SESN2: variants seen among roughly 807,000 people sequenced by gnomAD.
SESN2 encodes the protein sestrin 2.
SESN2 carries 42 observed loss-of-function variants against 56.0 expected under a neutral mutation model. That is an observed-to-expected ratio of 0.75 (90% CI 0.59 to 0.97). The LOEUF (loss-of-function observed/expected upper bound fraction) is 0.97, where lower values mean the gene tolerates loss of function less well. Ranked by LOEUF, SESN2 falls within the 50% of genes least tolerant of loss-of-function variation. The pLI is 0.00. For synonymous variants in SESN2, 264 were observed against 267.1 expected (o/e 0.99, Z 0.11); for missense variants, 507 against 649.4 (o/e 0.78, Z 2.38).
chr1:28,266,719 C>T (rs1647572252), intron 1 of SESN2, among the ~76,000 whole-genome samples: 1 of 152,028 alleles, frequency 6.6e-6, no homozygotes, highest in South Asian at 2.1e-4. Flanking sequence ...TGCTACCATG[C>T]CCAGCTAATT....
chr1:28,278,051 T>TG, intron 8 of SESN2, among the ~76,000 whole-genome samples: 1 of 152,356 alleles, frequency 6.6e-6, no homozygotes. Context: ...CTCACTAGAC[T>TG]GGGGATAACT....
chr1:28,259,707 C>G lies in SESN2; in HGVS notation c.-141C>G, dbSNP rs1647301633. The G allele has an allele frequency of 3.6e-6, 2 of 560,582 alleles. No homozygotes were observed. 34.7% of individuals were successfully genotyped at this position (560,582 alleles called of 1,614,324 possible). ...AAGCGGCCGTTCTCGGATTCCGGAGCGTTCTGGAGCCCCGAGAGACGCCCC... is the reference window on the plus strand; with the variant it reads ...AAGCGGCCGTTCTCGGATTCCGGAGGGTTCTGGAGCCCCGAGAGACGCCCC... On this transcript the variant is annotated 5_prime_UTR_variant, in exon 1 of 10. Coordinates refer to ENST00000253063, the MANE Select transcript of SESN2 (RefSeq NM_031459.5).
rs1019239260 is a variant in SESN2 at position 28,271,827 on chromosome 1, G to C, written c.310G>C (p.Asp104His). ...WRLHYLLLHT[D>H]GPLASSWRHY... is the part of the protein sequence containing the mutation. Reference sequence around the variant, plus strand: ...CCTGCACTACCTGCTGCTGCACACGGATGGTCCCTTGGCCAGCTCCTGGCG... The same window carrying C: ...CCTGCACTACCTGCTGCTGCACACGCATGGTCCCTTGGCCAGCTCCTGGCG... The change falls in exon 3 of 10, where the codon GAT becomes CAT. Residue 104 changes from aspartate to histidine, a missense_variant. Asp to His is a moderately conservative substitution (Grantham distance 81). Transcript: ENST00000253063. 6.2e-7 allele frequency: 1 copy of C among 1,614,170 alleles called. No individual in the cohort carries two copies. The highest frequency in any genetic ancestry group is 8.5e-7 in the Non-Finnish European group (1 of 1,180,016).
intron 8 of SESN2, 56 bp downstream of exon 8, chr1:28,275,071 G>A: frequency 1.6e-6 from 2 of 1,241,390 alleles, no homozygotes; most frequent in Non-Finnish European, 2.2e-6. Context: ...TTCACTCTGG[G>A]TTCACAGTTG....
rs536480865 is a variant in SESN2 at position 28,276,139 on chromosome 1, G to A, written c.1211+1124G>A. ...TCCAGCCTGGGCAACAGAGCAAGAC[G>A]CTATCTCAAAATAAATAAATAAAAT... On this transcript the variant is annotated intron_variant, in intron 8 of 9. Transcript: ENST00000253063. Among the ~76,000 whole-genome samples, 8 of 149,514 alleles carry A rather than the reference G, an allele frequency of 5.4e-5. No homozygotes were observed. The South Asian group carries it at 6.4e-4, about 12-fold the overall frequency.
At chr1:28,272,214 A>T in intron 3 of SESN2, 70 bp from the exon 4 acceptor site, 1 of 1,529,834 alleles carries the variant, frequency 6.5e-7, no homozygotes. Context: ...CTCTCCCCTG[A>T]TGGGGTACCC....
At chr1:28,262,621 CAA>C (rs71027268) in intron 1 of SESN2, among the ~76,000 whole-genome samples, 4 of 52,482 alleles carry the variant, frequency 7.6e-5, no homozygotes, top group Non-Finnish European at 9.7e-5. Flanking sequence ...GAGTCTGTCT[CAA>C]AAAAAAAAAA....
chr1:28,267,434 G>A (rs1030839269), intron 1 of SESN2, among the ~76,000 whole-genome samples: 1 of 152,124 alleles, frequency 6.6e-6, no homozygotes. Flanking sequence ...TAGTCTTCTG[G>A]AGTCCCAGAG....
chr1:28,269,325 C>T (rs1371741011), intron 2 of SESN2, 77 bp downstream of exon 2: 13 of 945,018 alleles, frequency 1.4e-5, no homozygotes, highest in Non-Finnish European at 2.1e-5. Flanking sequence ...GGCATCTTTT[C>T]CTGTTCTTTA....
Position 28,271,911 on chromosome 1 carries a change from G to C in SESN2, c.354+40G>C, listed in dbSNP as rs780219048. On this transcript the variant is annotated intron_variant, in intron 3 of 9. Transcript: ENST00000253063. The stretch of plus-strand genomic sequence containing the variant: ...GCCTGACACTTGGAGAGGTGGCTTT[G>C]TGGTGGGTTCTGTCCTTTGATCTCT... The C allele has an allele frequency of 1.9e-6, 3 of 1,589,154 alleles. No individual in the cohort carries two copies. The South Asian group carries it at 3.3e-5, about 18-fold the overall frequency.
At chr1:28,268,203 T>C (rs1327561005) in intron 1 of SESN2, among the ~76,000 whole-genome samples, 10 of 151,864 alleles carry the variant, frequency 6.6e-5, no homozygotes, top group Non-Finnish European at 1.5e-4. Flanking sequence ...AGGTTGTGAG[T>C]AGTGGTCCAG....
intron 1 of SESN2, among the ~76,000 whole-genome samples, chr1:28,267,071 C>A (rs1647583388): frequency 6.6e-6 from 1 of 152,150 alleles, no homozygotes; most frequent in African/African-American, 2.4e-5. Flanking sequence ...CCTGCTGTGG[C>A]TTGCTATTCT....
Position 28,272,765 on chromosome 1 carries a change from C to T in SESN2, c.722C>T (p.Pro241Leu). ...PTPPSEQSSP[P>L]SRDPLNNSGG... ...CCCCCTAGTGAACAGAGCAGCCCCC[C>T]AAGCAGGGACCCGTTGAACAACTCT... is the stretch of plus-strand genomic sequence containing the variant. Residue 241 changes from proline (P) to leucine (L), a missense_variant, in exon 5 of 10, where the codon CCA becomes CTA. Pro to Leu is a moderately conservative substitution (Grantham distance 98). Coordinates refer to ENST00000253063, the MANE Select transcript of SESN2 (RefSeq NM_031459.5). The T allele has an allele frequency of 6.2e-7, 1 of 1,603,966 alleles. No individual in the cohort carries two copies. Among genetic ancestry groups the T allele is most frequent in the Non-Finnish European group, 8.5e-7 (1 of 1,172,820 alleles).
At position 28,281,248 on chromosome 1, in the gene SESN2, A is replaced by G. The variant is rs557937669; in HGVS notation, c.*446A>G. On this transcript the variant is annotated 3_prime_UTR_variant, in exon 10 of 10. Transcript: ENST00000253063. ...CTCTCCCCTGTCATTTCCAGATTTC[A>G]TTACCTCCTACTTGCCATTCACCCA... is the stretch of plus-strand genomic sequence containing the variant. 7 of 159,122 alleles carry G rather than the reference A, an allele frequency of 4.4e-5. No homozygotes were observed. The highest frequency in any genetic ancestry group is 1.3e-4 in the Admixed American group (2 of 15,934). The allele number at this position is 159,122 out of a possible 1,614,324, so 9.9% of individuals were successfully genotyped here. A position where few individuals can be genotyped will look rare whatever the true frequency, so the allele number is the denominator to read the frequency against.
intron 2 of SESN2, among the ~76,000 whole-genome samples, chr1:28,270,496 C>T (rs958116939): frequency 1.3e-5 from 2 of 152,060 alleles, no homozygotes; most frequent in Admixed American, 6.6e-5. Flanking sequence ...AACCACTTGC[C>T]GATTATTTAT....
At chr1:28,262,648 G>C (rs1303540295) in intron 1 of SESN2, among the ~76,000 whole-genome samples, 1 of 111,718 alleles carries the variant, frequency 9.0e-6, no homozygotes, top group Non-Finnish European at 1.8e-5. Flanking sequence ...AAAAAACCAG[G>C]CTGGGCGCGG....
chr1:28,275,311 ACACACAC>A (rs1319112595), intron 8 of SESN2, among the ~76,000 whole-genome samples: 6 of 147,270 alleles, frequency 4.1e-5, no homozygotes, highest in African/African-American at 1.5e-4. Context: ...ACACACACAC[ACACACAC>A]TATATATATA....
intron 2 of SESN2, among the ~76,000 whole-genome samples, chr1:28,270,578 T>C (rs2149038145): frequency 6.7e-6 from 1 of 149,146 alleles, no homozygotes; most frequent in Middle Eastern, 3.4e-3. Context: ...GTGACCACCT[T>C]TTTTTTTTTT....
At position 28,272,566 on chromosome 1, in the gene SESN2, C is replaced by G. The variant is rs377521759; in HGVS notation, c.538-15C>G. On this transcript the variant is annotated splice_polypyrimidine_tract_variant and intron_variant, in intron 4 of 9. Coordinates refer to ENST00000253063, the MANE Select transcript of SESN2 (RefSeq NM_031459.5). ...GGCACTGAGCAGCTCTGACCTCCCC[C>G]CTTGTCCCTTCCAGGCCTTGCTGAA... 120 of 1,613,762 alleles carry G rather than the reference C, an allele frequency of 7.4e-5. No homozygotes were observed. Among genetic ancestry groups the G allele is most frequent in the East Asian group, 6.2e-4 (28 of 44,886 alleles).
Sources: allele counts gnomAD v4.1 joint callset (sites outside exome capture counted in the v4.1 genomes callset), GRCh38; gene constraint gnomAD v4.1.1; transcripts MANE v1.5; gene names NCBI Gene and HGNC (gene_info 2026-07-23, HGNC 2026-07-21).